AVPI1: variants seen among roughly 807,000 people sequenced by gnomAD.
The protein encoded by AVPI1 is arginine vasopressin-induced protein 1.
A neutral mutation model predicts 11.9 loss-of-function variants in AVPI1; 9 were observed. The observed-to-expected ratio is 0.76, with a 90% confidence interval of 0.46 to 1.32. The LOEUF is 1.32. Ranked by LOEUF, AVPI1 falls within the 40% of genes most tolerant of loss-of-function variation. The pLI is 0.00. For synonymous variants in AVPI1, 68 were observed against 78.1 expected, an observed-to-expected ratio of 0.87 and a Z score of 0.68; for missense variants, 207 against 195.8, an observed-to-expected ratio of 1.06 and a Z score of -0.34.
At chr10:97,686,676 G>A (rs1344109067) in intron 1 of AVPI1, 90 bp downstream of exon 1, 5 of 152,282 alleles carry the variant, frequency 3.3e-5, no homozygotes, top group African/African-American at 1.2e-4. Flanking sequence ...TGTGGAAGGA[G>A]CAGGGAGGGA....
chr10:97,684,700 A>G (rs1162510408), intron 1 of AVPI1, among the ~76,000 whole-genome samples: 1 of 152,038 alleles, frequency 6.6e-6, no homozygotes, highest in Non-Finnish European at 1.5e-5. Context: ...AGGTTTCACC[A>G]TGTTGGCCAG....
intron 2 of AVPI1, 100 bp from the exon 3 acceptor site, chr10:97,678,125 G>C (rs563973464): frequency 1.5e-6 from 2 of 1,314,568 alleles, no homozygotes; most frequent in South Asian, 2.7e-5. Flanking sequence ...ATATGATTTG[G>C]AGCAAAATGA....
intron 1 of AVPI1, among the ~76,000 whole-genome samples, chr10:97,685,621 A>G (rs906241044): frequency 5.9e-5 from 9 of 152,190 alleles, no homozygotes; most frequent in African/African-American, 2.2e-4. Context: ...GCCTGAATCA[A>G]CACTTGGGAC....
At chr10:97,682,307 TCCTGCTGCTTCTCCAGG>T (rs2041709207) in intron 1 of AVPI1, among the ~76,000 whole-genome samples, 1 of 152,180 alleles carries the variant, frequency 6.6e-6, no homozygotes, top group Non-Finnish European at 1.5e-5. Context: ...GAGGAGCAGG[TCCTGCTGCTTCTCCAGG>T]GCCTGGTTGC....
Position 97,677,950 on chromosome 10 carries a change from G to A in AVPI1, c.363C>T (p.His121=). Residue 121 remains histidine (H), a synonymous_variant, in exon 3 of 3, where the codon CAC becomes CAT. Coordinates refer to ENST00000370626, the MANE Select transcript of AVPI1 (RefSeq NM_021732.3). The stretch of plus-strand genomic sequence containing the variant: ...GGATCCTGGCACTTTTCTTCCTAGA[G>A]TGCAGATACTGCTCACTGGAGGCTG... ...TETASSEQYL[H]SRKKSARIRR... is the part of the protein sequence containing the mutation. 3 of 1,614,176 alleles carry A rather than the reference G, an allele frequency of 1.9e-6. No individual in the cohort carries two copies. The highest frequency in any genetic ancestry group is 2.5e-6 in the Non-Finnish European group (3 of 1,180,034).
At chr10:97,680,141 A>T (rs1017049831) in intron 1 of AVPI1, among the ~76,000 whole-genome samples, 1 of 152,168 alleles carries the variant, frequency 6.6e-6, no homozygotes, top group Admixed American at 6.5e-5. Context: ...TCCTCATTTT[A>T]CCGATGAAGA....
intron 2 of AVPI1, 122 bp from the exon 3 acceptor site, chr10:97,678,147 T>C: frequency 8.4e-6 from 9 of 1,073,508 alleles, no homozygotes; most frequent in Non-Finnish European, 1.2e-5. Context: ...AGCGGGGCTC[T>C]GCTCTGGTCT....
intron 1 of AVPI1, among the ~76,000 whole-genome samples, chr10:97,686,400 G>A (rs1485041438): frequency 6.6e-6 from 1 of 152,154 alleles, no homozygotes; most frequent in Admixed American, 6.6e-5. Context: ...AGTGTCAAGC[G>A]CAGAACAGAG....
intron 1 of AVPI1, among the ~76,000 whole-genome samples, chr10:97,684,915 G>A (rs904127885): frequency 2.0e-5 from 3 of 152,184 alleles, no homozygotes; most frequent in African/African-American, 4.8e-5. Context: ...TGGGAAAACC[G>A]ATGAAATGTC....
chr10:97,680,259 G>A lies in AVPI1; in HGVS notation c.-10-344C>T, dbSNP rs140184599. On this transcript the variant is annotated intron_variant, in intron 1 of 2. Transcript: ENST00000370626. ...GTCTAGCTGTAGATTCCATGCAGAC[G>A]CCAGGATGCCCAGTAGCAGCTCAAC... Among the ~76,000 whole-genome samples, 33 of 152,280 alleles carry A rather than the reference G, an allele frequency of 2.2e-4. No individual in the cohort carries two copies. In the East Asian group the frequency reaches 5.2e-3, roughly 24 times the overall value.
intron 1 of AVPI1, among the ~76,000 whole-genome samples, chr10:97,685,097 G>T (rs1031936712): frequency 6.6e-6 from 1 of 152,158 alleles, no homozygotes; most frequent in African/African-American, 2.4e-5. Context: ...GCTATTAAAA[G>T]ATTACAAATG....
chr10:97,681,164 G>C (rs2041701210), intron 1 of AVPI1, among the ~76,000 whole-genome samples: 1 of 152,064 alleles, frequency 6.6e-6, no homozygotes, highest in Non-Finnish European at 1.5e-5. Flanking sequence ...CTGTCAAATG[G>C]GGATAAGATT....
chr10:97,685,857 C>A (rs926926836), intron 1 of AVPI1, among the ~76,000 whole-genome samples: 2 of 152,084 alleles, frequency 1.3e-5, no homozygotes, highest in African/African-American at 4.8e-5. Context: ...TCATATATGA[C>A]CTGGAAATAA....
chr10:97,681,659 T>C (rs1195073871), intron 1 of AVPI1, among the ~76,000 whole-genome samples: 2 of 150,248 alleles, frequency 1.3e-5, no homozygotes, highest in African/African-American at 4.9e-5. Context: ...GGGTGGATCA[T>C]GAGGTCAGGA....
intron 2 of AVPI1, among the ~76,000 whole-genome samples, 182 bp downstream of exon 2, chr10:97,679,437 C>G (rs970819708): frequency 2.0e-5 from 3 of 152,158 alleles, no homozygotes; most frequent in African/African-American, 7.2e-5. Flanking sequence ...GCCACTGCAC[C>G]CACCAACAGC....
At chr10:97,681,488 AG>A (rs1361822474) in intron 1 of AVPI1, among the ~76,000 whole-genome samples, 5 of 151,778 alleles carry the variant, frequency 3.3e-5, no homozygotes, top group African/African-American at 7.3e-5. Context: ...AGGCTGAGGC[AG>A]GAGAATCACT....
intron 1 of AVPI1, among the ~76,000 whole-genome samples, chr10:97,685,016 C>T (rs1265940304): frequency 6.6e-6 from 1 of 152,164 alleles, no homozygotes; most frequent in Non-Finnish European, 1.5e-5. Context: ...CTGGAGAAGA[C>T]CTTAGTCCAG....
rs200939072 is a variant in AVPI1 at position 97,677,969 on chromosome 10, G to A, written c.344C>T (p.Ser115Phe). 7.5e-5 allele frequency: 121 copies of A among 1,614,170 alleles called. 1 individual carries two copies. The South Asian group carries it at 1.3e-3, about 17-fold the overall frequency. The change falls in exon 3 of 3, where the codon TCC becomes TTC. Residue 115 changes from serine to phenylalanine, a missense_variant. Physicochemically the swap from Ser to Phe is radical, Grantham distance 155. Transcript: ENST00000370626. ...ANPQSATETASSEQYLHSRKK... is the reference protein window; with the variant it reads ...ANPQSATETAFSEQYLHSRKK... ...CCTAGAGTGCAGATACTGCTCACTG[G>A]AGGCTGTCTCTGTGGCACTCTGTGG...
Position 97,679,884 on chromosome 10 carries a change from C to T in AVPI1, c.22G>A (p.Val8Ile), listed in dbSNP as rs1260355195. The T allele has an allele frequency of 6.3e-7, 1 of 1,587,038 alleles. No homozygotes were observed. The highest frequency in any genetic ancestry group is 8.5e-7 in the Non-Finnish European group (1 of 1,170,904). The change falls in exon 2 of 3, where the codon GTC becomes ATC. Residue 8 changes from valine (V) to isoleucine (I), a missense_variant. Transcript: ENST00000370626. ...GCCTGCCAAGGGGGTGGCTCACTGA[C>T]CACCGAGGCTGGGGTACCCATTGTG... MGTPASV[V>I]SEPPPWQAPI...
Sources: gnomAD v4.1 joint callset for allele counts (sites outside exome capture counted in the v4.1 genomes callset) on GRCh38, gnomAD v4.1.1 for gene constraint, MANE v1.5 for transcripts, NCBI Gene and HGNC (gene_info 2026-07-23, HGNC 2026-07-21) for gene names.